Variants in CTNNA3 observed in about 807,000 individuals in gnomAD.
CTNNA3 encodes the protein catenin alpha-3.
CTNNA3 carries 76 observed loss-of-function variants against 95.7 expected under a neutral mutation model. The ratio of observed to expected loss-of-function variants is 0.79; its 90% CI spans 0.66 to 0.96. CTNNA3 has a LOEUF of 0.96. CTNNA3 is among the 40% of genes least tolerant of loss of function. The probability of loss-of-function intolerance (pLI) is 0.00; values close to 1 mark genes in which losing one functional copy is unlikely to be tolerated. For missense variants in CTNNA3, 1,191 were observed against 1,089.8 expected (o/e 1.09, Z -1.31); for synonymous variants, 431 against 374.4 (o/e 1.15, Z -1.74).
intron 12 of CTNNA3, among the ~76,000 whole-genome samples, chr10:66,290,967 C>T (rs2132192412): frequency 6.6e-6 from 1 of 152,230 alleles, no homozygotes; most frequent in South Asian, 2.1e-4. Flanking sequence ...CATTTTATTC[C>T]TGAGACAGAA....
intron 5 of CTNNA3, among the ~76,000 whole-genome samples, chr10:67,240,797 T>C (rs1213952712): frequency 6.6e-6 from 1 of 152,190 alleles, no homozygotes; most frequent in African/African-American, 2.4e-5. Flanking sequence ...CACTTAATTC[T>C]AATGCGGACT....
intron 9 of CTNNA3, among the ~76,000 whole-genome samples, chr10:66,653,541 C>T (rs912816030): frequency 6.6e-6 from 1 of 151,992 alleles, no homozygotes; most frequent in African/African-American, 2.4e-5. Context: ...AAGCAATCTA[C>T]ATATTCAATG....
intron 12 of CTNNA3, among the ~76,000 whole-genome samples, chr10:66,360,767 CCT>C (rs767970864): frequency 0.065 from 4,665 of 71,564 alleles, 781 homozygotes; most frequent in East Asian, 0.48. Flanking sequence ...TTCCTTCCTT[CCT>C]TTTCTTTCTT....
At chr10:66,056,738 G>A (rs563330495) in intron 15 of CTNNA3, among the ~76,000 whole-genome samples, 55 of 152,244 alleles carry the variant, frequency 3.6e-4, no homozygotes, top group South Asian at 1.2e-3. Context: ...GATTTCTTCA[G>A]CATTCAATCT....
chr10:66,543,755 C>T (rs1299601195), intron 10 of CTNNA3, among the ~76,000 whole-genome samples: 1 of 151,460 alleles, frequency 6.6e-6, no homozygotes, highest in Admixed American at 6.6e-5. Context: ...ATAAGGAAAG[C>T]TGTGAATAGC....
intron 10 of CTNNA3, 90 bp from the exon 11 acceptor site, chr10:66,520,863 T>C (rs1455474988): frequency 8.8e-6 from 6 of 679,868 alleles, no homozygotes; most frequent in Non-Finnish European, 1.4e-5. Flanking sequence ...ACTTCACCAC[T>C]ATGCAATATA....
At chr10:66,563,276 G>T (rs1231065972) in intron 10 of CTNNA3, among the ~76,000 whole-genome samples, 1 of 151,992 alleles carries the variant, frequency 6.6e-6, no homozygotes, top group Non-Finnish European at 1.5e-5. Context: ...TTTACAAAAA[G>T]AGAAACAAAT....
chr10:67,405,389 G>A (rs1313857655), intron 5 of CTNNA3, among the ~76,000 whole-genome samples: 1 of 152,092 alleles, frequency 6.6e-6, no homozygotes, highest in East Asian at 1.9e-4. Context: ...AGCAGGGATT[G>A]CAATCCTAGC....
At chr10:66,079,833 C>A (rs952701472) in intron 14 of CTNNA3, among the ~76,000 whole-genome samples, 3 of 151,882 alleles carry the variant, frequency 2.0e-5, no homozygotes, top group South Asian at 2.1e-4. Context: ...AATCTATTCT[C>A]ATTATATTAT....
intron 10 of CTNNA3, among the ~76,000 whole-genome samples, chr10:66,599,778 C>T (rs1177796978): frequency 6.6e-6 from 1 of 151,744 alleles, no homozygotes; most frequent in Admixed American, 6.6e-5. Context: ...CATGCCAGTC[C>T]ACATATTAAG....
intron 2 of CTNNA3, among the ~76,000 whole-genome samples, chr10:67,614,258 G>A (rs1227827426): frequency 6.6e-6 from 1 of 152,152 alleles, no homozygotes; most frequent in East Asian, 1.9e-4. Context: ...AGACAAAAAA[G>A]TTCTCCAAGT....
Position 67,574,923 on chromosome 10 carries a change from G to C in CTNNA3, c.292+31934C>G, listed in dbSNP as rs138655042. Among the ~76,000 whole-genome samples, 168 of 152,224 alleles carry C rather than the reference G, an allele frequency of 1.1e-3. 1 individual carries two copies. The highest frequency in any genetic ancestry group is 3.7e-3 in the African/African-American group (152 of 41,546). On this transcript the variant is annotated intron_variant, in intron 3 of 17. Coordinates refer to ENST00000433211, the MANE Select transcript of CTNNA3 (RefSeq NM_013266.4). ...AATTCTGATATGCAACCATAATGAA[G>C]TCATCTGCATTTGTTCGTTAGCTAA...
chr10:66,146,770 C>A (rs917605873), intron 13 of CTNNA3, among the ~76,000 whole-genome samples: 2 of 152,000 alleles, frequency 1.3e-5, no homozygotes, highest in African/African-American at 4.8e-5. Context: ...ATGCTCAGGC[C>A]AGTCTCAAAC....
chr10:66,931,540 G>GCAGCAGTGA (rs1366840286), intron 7 of CTNNA3, among the ~76,000 whole-genome samples: 2 of 152,178 alleles, frequency 1.3e-5, no homozygotes, highest in Non-Finnish European at 2.9e-5. Context: ...TTTCTATGGA[G>GCAGCAGTGA]CAGCAGTGAC....
chr10:67,059,824 T>C (rs943699311), intron 7 of CTNNA3, among the ~76,000 whole-genome samples: 19 of 152,194 alleles, frequency 1.2e-4, no homozygotes, highest in African/African-American at 3.6e-4. Flanking sequence ...AATGTATATT[T>C]GCATATATAA....
At chr10:66,061,269 C>T (rs967630496) in intron 15 of CTNNA3, among the ~76,000 whole-genome samples, 4 of 152,138 alleles carry the variant, frequency 2.6e-5, no homozygotes, top group Non-Finnish European at 4.4e-5. Flanking sequence ...TGCTCCACAT[C>T]TTCAGTTTAG....
At chr10:66,170,802 A>G (rs2085384184) in intron 13 of CTNNA3, among the ~76,000 whole-genome samples, 1 of 152,010 alleles carries the variant, frequency 6.6e-6, no homozygotes, top group African/African-American at 2.4e-5. Context: ...AGAGCCTTCT[A>G]GCAGATGAAA....
chr10:67,558,498 C>T (rs375433442), intron 3 of CTNNA3, among the ~76,000 whole-genome samples: 27 of 152,276 alleles, frequency 1.8e-4, no homozygotes, highest in East Asian at 1.4e-3. Context: ...TATCTGAATG[C>T]GGCTGGCAGC....
At chr10:66,250,391 T>C (rs1948941) in intron 13 of CTNNA3, among the ~76,000 whole-genome samples, 24,749 of 152,062 alleles carry the variant, frequency 0.16, 2,358 homozygotes, top group Admixed American at 0.26. Flanking sequence ...TCAATAATAA[T>C]GTACTTGTCC....
Sources: allele counts gnomAD v4.1 joint callset (sites outside exome capture counted in the v4.1 genomes callset), GRCh38; gene constraint gnomAD v4.1.1; transcripts MANE v1.5; gene names NCBI Gene and HGNC (gene_info 2026-07-23, HGNC 2026-07-21).